The following OR51B5 variants were observed in gnomAD, a reference collection of about 807,000 sequenced individuals.
OR51B5 encodes olfactory receptor family 51 subfamily B member 5.
For synonymous variants in OR51B5, 186 were observed against 144.8 expected, an observed-to-expected ratio of 1.28 and a Z score of -2.04; for missense variants, 456 against 374.6, an observed-to-expected ratio of 1.22 and a Z score of -1.79.
chr11:5,449,988 C>G (rs559414302), intron 1 of OR51B5, among the ~76,000 whole-genome samples: 1 of 152,120 alleles, frequency 6.6e-6, no homozygotes, highest in Non-Finnish European at 1.5e-5. Context: ...TTTCTGCCCC[C>G]ATAACAGCAC....
At chr11:5,373,862 GAGGCCTGC>G (rs1335752811) in intron 1 of OR51B5, among the ~76,000 whole-genome samples, 1 of 152,154 alleles carries the variant, frequency 6.6e-6, no homozygotes, top group Non-Finnish European at 1.5e-5. Context: ...ACAGCTCAAG[GAGGCCTGC>G]CTGCCTCTGT....
chr11:5,407,849 C>T (rs1012799530), intron 1 of OR51B5, among the ~76,000 whole-genome samples: 1 of 152,014 alleles, frequency 6.6e-6, no homozygotes, highest in Non-Finnish European at 1.5e-5. Context: ...TATTTCCTCT[C>T]TGCCATTTTT....
chr11:5,495,304 G>C (rs1005804484), intron 1 of OR51B5, among the ~76,000 whole-genome samples: 3 of 152,160 alleles, frequency 2.0e-5, no homozygotes, highest in Non-Finnish European at 4.4e-5. Flanking sequence ...TAAGTATAAA[G>C]TCAACATCAG....
intron 1 of OR51B5, among the ~76,000 whole-genome samples, chr11:5,445,018 CTCAT>C (rs1474649193): frequency 2.0e-5 from 3 of 152,110 alleles, no homozygotes; most frequent in African/African-American, 7.2e-5. Flanking sequence ...TTCACATTGC[CTCAT>C]TCAAATTTAC....
intron 1 of OR51B5, among the ~76,000 whole-genome samples, chr11:5,419,257 A>G (rs1850293079): frequency 1.3e-5 from 2 of 152,230 alleles, no homozygotes; most frequent in South Asian, 4.1e-4. Flanking sequence ...ATCTATATCC[A>G]GGAATGAAAA....
intron 1 of OR51B5, among the ~76,000 whole-genome samples, chr11:5,408,472 C>T (rs1016236109): frequency 4.0e-5 from 6 of 151,154 alleles, no homozygotes; most frequent in African/African-American, 1.5e-4. Context: ...GCAGTCACAG[C>T]AACTGTTCTA....
intron 1 of OR51B5, among the ~76,000 whole-genome samples, chr11:5,458,983 T>C (rs1207700305): frequency 6.6e-6 from 1 of 152,186 alleles, no homozygotes; most frequent in East Asian, 1.9e-4. Flanking sequence ...GGACTTCCAA[T>C]ACTATGCAGA....
At chr11:5,401,444 A>T (rs76472737) in intron 1 of OR51B5, among the ~76,000 whole-genome samples, 16,310 of 152,240 alleles carry the variant, frequency 0.11, 1,007 homozygotes, top group South Asian at 0.16. Flanking sequence ...TTTTCAAAAC[A>T]TGGGACAGCT....
At chr11:5,453,682 T>C in intron 1 of OR51B5, 1 of 1,613,770 alleles carries the variant, frequency 6.2e-7, no homozygotes, top group Non-Finnish European at 8.5e-7. Flanking sequence ...TTCCTGTCCA[T>C]GTTGTCCTTC....
intron 1 of OR51B5, among the ~76,000 whole-genome samples, chr11:5,419,577 T>C (rs994766023): frequency 6.6e-6 from 1 of 152,204 alleles, no homozygotes; most frequent in Admixed American, 6.5e-5. Context: ...TTCAAAATTA[T>C]TTAAGCATAA....
At chr11:5,365,683 C>G (rs757479707) in intron 1 of OR51B5, among the ~76,000 whole-genome samples, 6 of 152,128 alleles carry the variant, frequency 3.9e-5, no homozygotes, top group Non-Finnish European at 8.8e-5. Flanking sequence ...AGAAACATCC[C>G]TGATTTTATT....
At chr11:5,342,439 G>C, downstream of OR51B5, 1 of 993,022 alleles carries the variant, frequency 1.0e-6, no homozygotes, top group Non-Finnish European at 1.4e-6. Flanking sequence ...TGGGCTTAAA[G>C]AGATACCTTA....
At chr11:5,352,299 G>C in intron 1 of OR51B5, 6 of 1,614,178 alleles carry the variant, frequency 3.7e-6, no homozygotes, top group Non-Finnish European at 4.2e-6. Flanking sequence ...GGTTTGGAAA[G>C]CATGTTCCTC....
intron 1 of OR51B5, among the ~76,000 whole-genome samples, chr11:5,487,961 G>GAT (rs896778780): frequency 3.3e-5 from 5 of 151,854 alleles, no homozygotes; most frequent in East Asian, 1.9e-4. Context: ...CACTTCAGAT[G>GAT]ATATATATAT....
chr11:5,352,493 G>A, intron 1 of OR51B5: 1 of 1,203,730 alleles, frequency 8.3e-7, no homozygotes, highest in Non-Finnish European at 1.2e-6. Flanking sequence ...ACCTGGACAG[G>A]ATGACAATGT....
At chr11:5,382,368 G>A (rs1849621312) in intron 1 of OR51B5, among the ~76,000 whole-genome samples, 1 of 152,016 alleles carries the variant, frequency 6.6e-6, no homozygotes, top group South Asian at 2.1e-4. Flanking sequence ...GCCTTCCCTG[G>A]CCCTCACCTG....
chr11:5,499,575 T>G (rs931474683), intron 1 of OR51B5, among the ~76,000 whole-genome samples: 1 of 152,218 alleles, frequency 6.6e-6, no homozygotes, highest in Admixed American at 6.5e-5. Flanking sequence ...AAAACAGTAT[T>G]TTTTATATTC....
chr11:5,382,337 GTCT>G (rs567880559), intron 1 of OR51B5, among the ~76,000 whole-genome samples: 149 of 152,204 alleles, frequency 9.8e-4, no homozygotes, highest in African/African-American at 3.5e-3. Context: ...TTCTTAATTA[GTCT>G]TCATAGCTCA....
intron 1 of OR51B5, among the ~76,000 whole-genome samples, chr11:5,468,105 A>T (rs146124763): frequency 6.6e-6 from 1 of 152,346 alleles, no homozygotes; most frequent in East Asian, 1.9e-4. Context: ...CTGGGTTGAT[A>T]TGATCTCAGG....
Sources: gnomAD v4.1 joint callset for allele counts (sites outside exome capture counted in the v4.1 genomes callset) on GRCh38, gnomAD v4.1.1 for gene constraint, MANE v1.5 for transcripts, NCBI Gene and HGNC (gene_info 2026-07-23, HGNC 2026-07-21) for gene names.